OVCH1: variants seen among roughly 807,000 people sequenced by gnomAD.
OVCH1 encodes ovochymase 1.
A neutral mutation model predicts 138.4 loss-of-function variants in OVCH1; 139 were observed. The observed-to-expected ratio is 1.00, with a 90% CI of 0.87 to 1.16. The LOEUF (loss-of-function observed/expected upper bound fraction) is 1.16, where lower values mean the gene tolerates loss of function less well. Ranked by LOEUF, OVCH1 falls within the 50% of genes most tolerant of loss-of-function variation. OVCH1 has a pLI of 0.00. For missense variants in OVCH1, 1,367 were observed against 1,357.9 expected (o/e 1.01, Z -0.11); for synonymous variants, 453 against 467.8 (o/e 0.97, Z 0.41).
chr12:29,443,326 A>T, intron 25 of OVCH1, 35 bp downstream of exon 25: 1 of 1,594,042 alleles, frequency 6.3e-7, no homozygotes, highest in Non-Finnish European at 8.6e-7. Flanking sequence ...TCAGAGAAAA[A>T]TCAGTAGCAT....
intron 3 of OVCH1, among the ~76,000 whole-genome samples, chr12:29,422,124 A>G (rs1941113105): frequency 6.6e-6 from 1 of 152,204 alleles, no homozygotes; most frequent in South Asian, 2.1e-4. Flanking sequence ...TTATATGCTC[A>G]GTCTTAGACC....
intron 3 of OVCH1, among the ~76,000 whole-genome samples, chr12:29,416,794 A>T (rs1188984385): frequency 6.6e-6 from 1 of 152,180 alleles, no homozygotes; most frequent in Non-Finnish European, 1.5e-5. Flanking sequence ...CAGAAATTAC[A>T]CTCTTGGACA....
intron 3 of OVCH1, among the ~76,000 whole-genome samples, chr12:29,417,077 A>G (rs1279956020): frequency 6.6e-6 from 1 of 152,226 alleles, no homozygotes; most frequent in Non-Finnish European, 1.5e-5. Context: ...CAATCCCAAA[A>G]GGTTACATAC....
At chr12:29,439,458 A>G in intron 25 of OVCH1, 1 of 1,477,148 alleles carries the variant, frequency 6.8e-7, no homozygotes, top group Non-Finnish European at 8.9e-7. Context: ...AGAAAAACAA[A>G]CAAACAAACA....
chr12:29,464,609 C>A lies in OVCH1; in HGVS notation c.2023G>T (p.Glu675Ter). The A allele has an allele frequency of 6.2e-7, 1 of 1,613,624 alleles. No homozygotes were observed. Among genetic ancestry groups the A allele is most frequent in the Non-Finnish European group, 8.5e-7 (1 of 1,179,710 alleles). ...ACTGGCCTCACCACCGAGTTGTACT[C>A]CAGAGGAGAGCTTAGTTGTATTAGG... Residue 675 changes from glutamate to a stop codon, truncating the protein, a stop_gained, in exon 18 of 28, where the codon GAG becomes TAG. Coordinates refer to ENST00000318184, the Ensembl canonical transcript of OVCH1. LOFTEE classifies it high-confidence loss of function.
At chr12:29,457,570 A>AT (rs1343937666) in intron 19 of OVCH1, among the ~76,000 whole-genome samples, 1 of 151,206 alleles carries the variant, frequency 6.6e-6, no homozygotes, top group Non-Finnish European at 1.5e-5. Context: ...AGCCCGGCTA[A>AT]TTTTTTGTAT....
intron 18 of OVCH1, among the ~76,000 whole-genome samples, chr12:29,463,379 G>T (rs1942204160): frequency 6.6e-6 from 1 of 152,170 alleles, no homozygotes; most frequent in Non-Finnish European, 1.5e-5. Context: ...GTTCCAAGTA[G>T]GAGGACACAA....
downstream of OVCH1, among the ~76,000 whole-genome samples, chr12:29,407,878 A>G (rs890674077): frequency 4.6e-5 from 7 of 150,944 alleles, no homozygotes; most frequent in African/African-American, 1.7e-4. Context: ...ATGGCATTGA[A>G]TCTATAAATT....
In OVCH1 at chr12:29,477,403, T is replaced by A. The variant is rs765408527; in HGVS notation, c.1184A>T (p.Asp395Val). Reference sequence around the variant, plus strand: ...AAAGCCACTGCCACTGTCTTCTGTATCAGAAACAAATGGAACCATGGCCTC... The same window carrying A: ...AAAGCCACTGCCACTGTCTTCTGTAACAGAAACAAATGGAACCATGGCCTC... The change falls in exon 11 of 28, where the codon GAT (aspartate) becomes GTT (valine). Residue 395 changes from aspartate to valine, a missense_variant. Transcript: ENST00000318184. The A allele has an allele frequency of 1.9e-6, 3 of 1,614,000 alleles. No individual in the cohort carries two copies. In the African/African-American group the frequency reaches 4.0e-5, roughly 22 times the overall value.
At chr12:29,493,430 T>C (rs1399618952) in intron 4 of OVCH1, among the ~76,000 whole-genome samples, 2 of 152,188 alleles carry the variant, frequency 1.3e-5, no homozygotes, top group African/African-American at 2.4e-5. Context: ...TCTAAAGATT[T>C]GGATATCAAT....
chr12:29,447,811 C>T lies in OVCH1; in HGVS notation c.2756-2408G>A, dbSNP rs1024005628. On this transcript the variant is annotated intron_variant, in intron 22 of 27. Coordinates refer to ENST00000318184, the Ensembl canonical transcript of OVCH1. ...CTGTGGGAAGGAATGGATGATGCTG[C>T]TTTAGACTGAGAGGCCCTCTTTCAG... 1.2e-4 allele frequency among the ~76,000 whole-genome samples: 19 copies of T among 152,118 alleles called. 1 individual carries two copies. Among genetic ancestry groups the T allele is most frequent in the Admixed American group, 1.1e-3 (17 of 15,262 alleles).
chr12:29,491,342 A>G, intron 4 of OVCH1, 150 bp from the exon 5 acceptor site: 1 of 652,170 alleles, frequency 1.5e-6, no homozygotes, highest in African/African-American at 1.8e-5. Context: ...TCCATATAAA[A>G]CCGTTTTGTA....
intron 8 of OVCH1, among the ~76,000 whole-genome samples, chr12:29,482,012 A>G (rs1942950572): frequency 6.6e-6 from 1 of 152,192 alleles, no homozygotes; most frequent in Non-Finnish European, 1.5e-5. Context: ...TTGGTCTCCC[A>G]GCTTGTGGTC....
At chr12:29,442,528 C>T (rs572602455) in intron 25 of OVCH1, among the ~76,000 whole-genome samples, 19 of 149,040 alleles carry the variant, frequency 1.3e-4, no homozygotes, top group African/African-American at 4.0e-4. Flanking sequence ...TGCTAAATGA[C>T]GAGTTAATGG....
intron 16 of OVCH1, among the ~76,000 whole-genome samples, chr12:29,468,478 G>A (rs988625674): frequency 3.3e-5 from 5 of 152,102 alleles, no homozygotes; most frequent in African/African-American, 4.8e-5. Flanking sequence ...GCTGTAAGGC[G>A]TCATGGCTCA....
chr12:29,477,193 C>A, exon 12 of OVCH1: 1 of 1,613,736 alleles, frequency 6.2e-7, no homozygotes, highest in Non-Finnish European at 8.5e-7. Flanking sequence ...GTGATTTGTC[C>A]CTTCTTCTAC....
At chr12:29,497,031 G>T (rs1254132217) in intron 1 of OVCH1, among the ~76,000 whole-genome samples, 2 of 152,156 alleles carry the variant, frequency 1.3e-5, no homozygotes, top group African/African-American at 2.4e-5. Context: ...AGCACTTTGG[G>T]AGGCCCAGGT....
At chr12:29,418,754 C>G (rs1941063753) in intron 3 of OVCH1, among the ~76,000 whole-genome samples, 1 of 152,132 alleles carries the variant, frequency 6.6e-6, no homozygotes, top group Admixed American at 6.5e-5. Context: ...ACCAGGTTGT[C>G]TGTGACAGTA....
chr12:29,412,739 A>G (rs1197958756), intron 3 of OVCH1: 4 of 152,200 alleles, frequency 2.6e-5, no homozygotes, highest in African/African-American at 9.6e-5. Context: ...ATTAAAAAGG[A>G]CGTTAAAGAA....
Sources: gnomAD v4.1 joint callset for allele counts (sites outside exome capture counted in the v4.1 genomes callset) on GRCh38, gnomAD v4.1.1 for gene constraint, MANE v1.5 for transcripts, NCBI Gene and HGNC (gene_info 2026-07-23, HGNC 2026-07-21) for gene names.